The following BTBD7 variants were observed in gnomAD, a reference collection of about 807,000 sequenced individuals.
BTBD7 encodes BTB domain containing 7, also known as BTB/POZ domain-containing protein 7.
BTBD7 carries 38 observed loss-of-function variants against 99.9 expected under a neutral mutation model. The observed-to-expected ratio is 0.38, with a 90% CI of 0.29 to 0.50. The LOEUF is 0.50. Ranked by LOEUF, BTBD7 falls within the 20% of genes least tolerant of loss-of-function variation. The probability of loss-of-function intolerance (pLI) is 0.93; values close to 1 mark genes in which losing one functional copy is unlikely to be tolerated. For synonymous variants in BTBD7, 520 were observed against 511.4 expected (o/e 1.02, Z -0.23); for missense variants, 1,170 against 1,394.6 (o/e 0.84, Z 2.57).
intron 5 of BTBD7, among the ~76,000 whole-genome samples, chr14:93,259,103 T>A (rs1175549721): frequency 3.3e-5 from 5 of 152,220 alleles, no homozygotes; most frequent in African/African-American, 9.6e-5. Flanking sequence ...CTGTTGCTCA[T>A]AGGGAAAACA....
chr14:93,281,805 TTC>T (rs1466662207), intron 3 of BTBD7, among the ~76,000 whole-genome samples: 1 of 152,216 alleles, frequency 6.6e-6, no homozygotes, highest in Non-Finnish European at 1.5e-5. Flanking sequence ...AAAATACACT[TTC>T]TGATATGTTT....
At chr14:93,298,049 T>TC (rs1309020477) in intron 1 of BTBD7, among the ~76,000 whole-genome samples, 2 of 152,060 alleles carry the variant, frequency 1.3e-5, no homozygotes, top group East Asian at 1.9e-4. Flanking sequence ...TATTATTTCT[T>TC]TTTTTTGTTT....
intron 1 of BTBD7, among the ~76,000 whole-genome samples, chr14:93,311,169 G>A (rs904630271): frequency 1.3e-5 from 2 of 152,134 alleles, no homozygotes; most frequent in African/African-American, 2.4e-5. Flanking sequence ...TATGTGACAG[G>A]TTTTAATCCT....
chr14:93,272,167 G>A (rs912761563), intron 3 of BTBD7, among the ~76,000 whole-genome samples: 4 of 151,700 alleles, frequency 2.6e-5, no homozygotes, highest in East Asian at 1.9e-4. Context: ...AAATCTACTC[G>A]GGACCTCAGG....
chr14:93,283,995 T>C (rs1289434700), intron 3 of BTBD7, among the ~76,000 whole-genome samples: 1 of 152,220 alleles, frequency 6.6e-6, no homozygotes, highest in Non-Finnish European at 1.5e-5. Context: ...ATACTTAACT[T>C]AGATTAAGAA....
At chr14:93,279,839 T>C (rs1250391239) in intron 3 of BTBD7, among the ~76,000 whole-genome samples, 2 of 152,188 alleles carry the variant, frequency 1.3e-5, no homozygotes, top group African/African-American at 2.4e-5. Flanking sequence ...GTTAAATGAG[T>C]ATAGGAATCA....
intron 5 of BTBD7, among the ~76,000 whole-genome samples, chr14:93,259,409 G>A (rs995332713): frequency 1.5e-4 from 23 of 152,170 alleles, no homozygotes; most frequent in African/African-American, 5.6e-4. Context: ...ACATAAAAAT[G>A]TAAAAAATGT....
intron 1 of BTBD7, among the ~76,000 whole-genome samples, chr14:93,306,738 C>A (rs1320916300): frequency 1.3e-5 from 2 of 152,158 alleles, no homozygotes; most frequent in East Asian, 3.8e-4. Flanking sequence ...CTGCACAGCA[C>A]CCAGCAAAAT....
chr14:93,326,066 C>G (rs1219287455), intron 1 of BTBD7, among the ~76,000 whole-genome samples: 1 of 152,098 alleles, frequency 6.6e-6, no homozygotes, highest in Non-Finnish European at 1.5e-5. Context: ...CAAAAAACCA[C>G]CACAGCGTGG....
chr14:93,328,691 GGACCACTTGAGTCCAAAAGTTCGA>G lies in BTBD7; in HGVS notation c.-107+4105_-107+4128del, dbSNP rs770887938. Among the ~76,000 whole-genome samples, 215 of 151,052 alleles carry G rather than the reference GGACCACTTGAGTCCAAAAGTTCGA, an allele frequency of 1.4e-3. No individual in the cohort carries two copies. In the Middle Eastern group the frequency reaches 0.017, roughly 12 times the overall value. ...CCCAGTACCTTGGGTTGAGGCGGGA[GGACCACTTGAGTCCAAAAGTTCGA>G]GACCAGCCTGGGCAACATAGTGAGA... On this transcript the variant is annotated intron_variant, in intron 1 of 10. Coordinates refer to ENST00000334746, the MANE Select transcript of BTBD7 (RefSeq NM_001002860.4).
chr14:93,320,288 G>A (rs1330276448), intron 1 of BTBD7, among the ~76,000 whole-genome samples: 1 of 152,154 alleles, frequency 6.6e-6, no homozygotes. Flanking sequence ...CCCCACACTT[G>A]ACAATGTCTG....
intron 1 of BTBD7, among the ~76,000 whole-genome samples, chr14:93,331,635 G>C (rs12889344): frequency 0.37 from 56,834 of 152,148 alleles, 11,503 homozygotes; most frequent in African/African-American, 0.54. Context: ...AATCCCAGTA[G>C]TTCGGAAGGA....
intron 1 of BTBD7, among the ~76,000 whole-genome samples, chr14:93,314,842 T>C (rs2053180514): frequency 6.6e-6 from 1 of 152,228 alleles, no homozygotes; most frequent in Non-Finnish European, 1.5e-5. Context: ...CCATTGCTAT[T>C]TTAATCTCTT....
At chr14:93,270,571 T>C (rs573915674) in intron 3 of BTBD7, among the ~76,000 whole-genome samples, 1 of 151,958 alleles carries the variant, frequency 6.6e-6, no homozygotes, top group East Asian at 2.0e-4. Context: ...CATGTGTCTG[T>C]AGAGTCCCAG....
chr14:93,294,458 C>T lies in BTBD7; in HGVS notation c.562G>A (p.Ala188Thr), dbSNP rs1249154172. The T allele has an allele frequency of 6.2e-7, 1 of 1,613,966 alleles. No individual in the cohort carries two copies. Among genetic ancestry groups the T allele is most frequent in the African/African-American group, 1.3e-5 (1 of 74,906 alleles). Residue 188 changes from alanine to threonine, a missense_variant, in exon 3 of 11, where the codon GCT becomes ACT. Physicochemically the swap from Ala to Thr is moderately conservative, Grantham distance 58 (BLOSUM62 0). Around this residue, in one of 4 missense-constraint regions of BTBD7, gnomAD observed 359 missense variants for 497.9 expected, o/e 0.72. Coordinates refer to ENST00000334746, the MANE Select transcript of BTBD7 (RefSeq NM_001002860.4). ...GAAAACATGGGCATATCAATACCAGCTGTATTGATGTCCATTATTATCTCT... is the reference window on the plus strand; with the variant it reads ...GAAAACATGGGCATATCAATACCAGTTGTATTGATGTCCATTATTATCTCT... ...GAEIIMDINT[A>T]GIDMPMFSAL...
chr14:93,304,496 C>T (rs900772891), intron 1 of BTBD7, among the ~76,000 whole-genome samples: 12 of 152,136 alleles, frequency 7.9e-5, no homozygotes, highest in African/African-American at 2.4e-4. Flanking sequence ...GGATTACAGG[C>T]GTGCATCCCT....
chr14:93,325,550 A>C (rs2053321276), intron 1 of BTBD7, among the ~76,000 whole-genome samples: 1 of 152,200 alleles, frequency 6.6e-6, no homozygotes, highest in Non-Finnish European at 1.5e-5. Context: ...CCAGACTAAT[A>C]AGGGAGTGGC....
Position 93,246,181 on chromosome 14 carries a change from T to C in BTBD7, c.2227A>G (p.Thr743Ala). The C allele has an allele frequency of 1.2e-6, 2 of 1,613,556 alleles. No individual in the cohort carries two copies. The highest frequency in any genetic ancestry group is 1.7e-6 in the Non-Finnish European group (2 of 1,179,792). ...AAAGAGTCCAGATCTGTAAACATGG[T>C]TTCTGCAGGAGGTGTACTGTTTACG... is the stretch of plus-strand genomic sequence containing the variant. ...CRVNSTPPAE[T>A]MFTDLDSFVA... Residue 743 changes from threonine to alanine, a missense_variant, in exon 10 of 11, where the codon ACC becomes GCC. Physicochemically the swap from Thr to Ala is moderately conservative, Grantham distance 58. Coordinates refer to ENST00000334746, the MANE Select transcript of BTBD7 (RefSeq NM_001002860.4).
At chr14:93,255,046 C>T (rs11628070) in intron 6 of BTBD7, among the ~76,000 whole-genome samples, 25,979 of 152,016 alleles carry the variant, frequency 0.17, 2,402 homozygotes, top group East Asian at 0.31. Context: ...TTACTTTTAA[C>T]TAGTAAAATA....
Sources: gnomAD v4.1 joint callset for allele counts (sites outside exome capture counted in the v4.1 genomes callset) on GRCh38, gnomAD v4.1.1 for gene constraint, gnomAD v4.1.1 regional missense constraint, MANE v1.5 for transcripts, NCBI Gene and HGNC (gene_info 2026-07-23, HGNC 2026-07-21) for gene names.